Variants in SLC17A3 observed in about 807,000 individuals in gnomAD.
SLC17A3 encodes solute carrier family 17 member 3.
SLC17A3 carries 61 observed loss-of-function variants against 60.3 expected under a neutral mutation model. The ratio of observed to expected loss-of-function variants is 1.01; its 90% CI spans 0.82 to 1.25. SLC17A3 has a LOEUF of 1.25. SLC17A3 is among the 50% of genes most tolerant of loss of function. The pLI is 0.00. For synonymous variants in SLC17A3, 192 were observed against 208.9 expected (o/e 0.92, Z 0.70); for missense variants, 624 against 594.9 (o/e 1.05, Z -0.51).
At chr6:25,868,194 GAAT>G (rs1765569579) in intron 2 of SLC17A3, 100 bp downstream of exon 2, 1 of 853,504 alleles carries the variant, frequency 1.2e-6, no homozygotes, top group Non-Finnish European at 2.0e-6. Context: ...TTTGTAAAAA[GAAT>G]TAAAGAACTT....
rs148423165 is a variant in SLC17A3 at position 25,866,621 on chromosome 6, T to C, written c.91+1676A>G. 2.2e-3 allele frequency among the ~76,000 whole-genome samples: 330 copies of C among 152,092 alleles called. 1 individual carries two copies. The highest frequency in any genetic ancestry group is 9.1e-3 in the South Asian group (44 of 4,816). ...GTTGGCAAAAAATAATAAAGCCTAG[T>C]TGAATGACTATACAAGAATTTTGGG... On this transcript the variant is annotated intron_variant, in intron 2 of 12. Transcript: ENST00000397060.
In SLC17A3 at chr6:25,845,396, G is replaced by T; in HGVS notation, c.1483C>A (p.Leu495Ile). 3 of 1,613,976 alleles carry T rather than the reference G, an allele frequency of 1.9e-6. No homozygotes were observed. The highest frequency in any genetic ancestry group is 2.5e-6 in the Non-Finnish European group (3 of 1,179,908). Residue 495 changes from leucine to isoleucine, a missense_variant, in exon 12 of 13, where the codon CTC (leucine) becomes ATC (isoleucine). Physicochemically the swap from Leu to Ile is conservative, Grantham distance 5. Coordinates refer to ENST00000397060, the MANE Select transcript of SLC17A3 (RefSeq NM_001098486.2). Reference protein sequence around the residue: ...DVQEWAKERKLTRL With the variant: ...DVQEWAKERKITRL Reference sequence around the variant, plus strand: ...ATCCTTTACCTTCATAAACGAGTGAGTTTTCTCTCTTTAGCCCATTCTTGG... The same window carrying T: ...ATCCTTTACCTTCATAAACGAGTGATTTTTCTCTCTTTAGCCCATTCTTGG...
rs1320229961 is a variant in SLC17A3 at position 25,844,893 on chromosome 6, G to A, written c.*408C>T. The A allele has an allele frequency of 5.8e-6, 1 of 173,650 alleles. No homozygotes were observed. Among genetic ancestry groups the A allele is most frequent in the African/African-American group, 2.4e-5 (1 of 41,592 alleles). 10.8% of individuals were successfully genotyped at this position (173,650 alleles called of 1,614,324 possible). ...AGATAAATGGAGGACATATAGGGAA[G>A]AACACATGGACAATACTCAACCCAA... On this transcript the variant is annotated 3_prime_UTR_variant, in exon 13 of 13. Transcript: ENST00000397060.
intron 2 of SLC17A3, among the ~76,000 whole-genome samples, chr6:25,867,986 G>A (rs1185828689): frequency 2.6e-5 from 4 of 151,218 alleles, no homozygotes; most frequent in Admixed American, 2.0e-4. Flanking sequence ...TTTAAATTAA[G>A]CAATACAGTT....
intron 6 of SLC17A3, among the ~76,000 whole-genome samples, chr6:25,854,347 T>C (rs947235730): frequency 1.3e-5 from 2 of 152,230 alleles, no homozygotes; most frequent in African/African-American, 4.8e-5. Flanking sequence ...CATTTCAGAT[T>C]GTTATATCTT....
intron 5 of SLC17A3, 148 bp from the exon 6 acceptor site, chr6:25,855,378 TAAG>T: frequency 1.6e-6 from 1 of 641,364 alleles, no homozygotes; most frequent in South Asian, 1.8e-5. Context: ...ATTTATGATT[TAAG>T]AACATATAAT....
At chr6:25,845,983 C>G (rs1765167719) in intron 11 of SLC17A3, among the ~76,000 whole-genome samples, 1 of 152,132 alleles carries the variant, frequency 6.6e-6, no homozygotes, top group Non-Finnish European at 1.5e-5. Flanking sequence ...ATTTTCACAA[C>G]TGATGTGAGA....
In SLC17A3 at chr6:25,850,461, C is replaced by T; in HGVS notation, c.991G>A (p.Asp331Asn). The T allele has an allele frequency of 1.2e-6, 2 of 1,613,720 alleles. No homozygotes were observed. The highest frequency in any genetic ancestry group is 2.2e-5 in the East Asian group (1 of 44,862). ...GGAAGGGAAGGAAACATACTCACGTCTCTGATGTTAACATGGTACACAGAG... is the reference window on the plus strand; with the variant it reads ...GGAAGGGAAGGAAACATACTCACGTTTCTGATGTTAACATGGTACACAGAG... ...ISSVYHVNIR[D>N]NGLLSALPFI... The change falls in exon 8 of 13, where the codon GAC becomes AAC. Residue 331 changes from aspartate to asparagine, a missense_variant and splice_region_variant. Asp to Asn is a conservative substitution (Grantham distance 23). Coordinates refer to ENST00000397060, the MANE Select transcript of SLC17A3 (RefSeq NM_001098486.2).
intron 5 of SLC17A3, among the ~76,000 whole-genome samples, chr6:25,860,447 A>T (rs1765428543): frequency 6.6e-6 from 1 of 152,076 alleles, no homozygotes; most frequent in Non-Finnish European, 1.5e-5. Flanking sequence ...GATCATCAGA[A>T]ATGGCAATTT....
chr6:25,850,367 G>A (rs751268884), intron 8 of SLC17A3, 92 bp downstream of exon 8: 27 of 1,444,382 alleles, frequency 1.9e-5, no homozygotes, highest in Non-Finnish European at 2.6e-5. Flanking sequence ...TTGGTAATAA[G>A]AAATACATTT....
At chr6:25,860,893 A>T (rs1253247599) in intron 5 of SLC17A3, among the ~76,000 whole-genome samples, 1 of 152,164 alleles carries the variant, frequency 6.6e-6, no homozygotes, top group Non-Finnish European at 1.5e-5. Context: ...CCAGTTCTAA[A>T]TGGCAGAGAC....
Position 25,845,375 on chromosome 6 carries a change from T to G in SLC17A3, c.*2+5A>C. On this transcript the variant is annotated splice_donor_5th_base_variant and intron_variant, in intron 12 of 12. Coordinates refer to ENST00000397060, the MANE Select transcript of SLC17A3 (RefSeq NM_001098486.2). ...ATAACCATGCATAAAATCACTATCC[T>G]TTACCTTCATAAACGAGTGAGTTTT... 6.2e-7 allele frequency: 1 copy of G among 1,613,866 alleles called. No homozygotes were observed. Among genetic ancestry groups the G allele is most frequent in the Non-Finnish European group, 8.5e-7 (1 of 1,179,848 alleles).
rs1765646702 is a variant in SLC17A3 at position 25,871,827 on chromosome 6, G to T, written c.-34+2340C>A. ...TGGCTTTTTGTTTCTAAGGTTAAAT[G>T]AAGATCCTAAAAAGAGAAATGAAAC... On this transcript the variant is annotated intron_variant, in intron 1 of 12. Transcript: ENST00000397060. 2.6e-5 allele frequency among the ~76,000 whole-genome samples: 4 copies of T among 151,960 alleles called. No individual in the cohort carries two copies. In the South Asian group the frequency reaches 8.3e-4, roughly 32 times the overall value.
intron 8 of SLC17A3, 70 bp downstream of exon 8, chr6:25,850,389 T>A: frequency 6.7e-7 from 1 of 1,492,716 alleles, no homozygotes; most frequent in Middle Eastern, 1.7e-4. Context: ...TCAGATGGAA[T>A]GATTAGTGAG....
Position 25,862,428 on chromosome 6 carries a change from A to G in SLC17A3, c.108T>C (p.Ser36=). 3 of 1,613,432 alleles carry G rather than the reference A, an allele frequency of 1.9e-6. No individual in the cohort carries two copies. Among genetic ancestry groups the G allele is most frequent in the Non-Finnish European group, 2.5e-6 (3 of 1,179,406 alleles). ...LIPRKVPSLC[S]ARYGIALVLH... ...AGACGAGGGCTATTCCATAGCGAGC[A>G]GAACATAAACTTGGAACTGGAAATA... The change falls in exon 3 of 13, where the codon TCT becomes TCC. Residue 36 remains serine, a synonymous_variant. Transcript: ENST00000397060.
intron 6 of SLC17A3, among the ~76,000 whole-genome samples, chr6:25,851,815 C>T (rs1282160386): frequency 6.6e-6 from 1 of 152,094 alleles, no homozygotes; most frequent in Non-Finnish European, 1.5e-5. Context: ...TATGTCTTGA[C>T]ATCAGGTAGT....
intron 2 of SLC17A3, among the ~76,000 whole-genome samples, chr6:25,867,426 A>T (rs2151527294): frequency 1.3e-5 from 2 of 152,118 alleles, no homozygotes; most frequent in South Asian, 4.1e-4. Flanking sequence ...TAGTGAACAA[A>T]GGAAATGAAA....
At chr6:25,855,090 T>G in intron 6 of SLC17A3, 54 bp downstream of exon 6, 2 of 1,123,478 alleles carry the variant, frequency 1.8e-6, no homozygotes, top group Non-Finnish European at 2.7e-6. Flanking sequence ...ATATACTTAC[T>G]GAGGAGAATC....
intron 5 of SLC17A3, among the ~76,000 whole-genome samples, chr6:25,856,653 T>C (rs1186313): frequency 0.24 from 36,078 of 151,542 alleles, 4,513 homozygotes; most frequent in African/African-American, 0.31. Flanking sequence ...CGAGACCAGC[T>C]TGGCCAACAT....
Sources: gnomAD v4.1 joint callset for allele counts (sites outside exome capture counted in the v4.1 genomes callset) on GRCh38, gnomAD v4.1.1 for gene constraint, MANE v1.5 for transcripts, NCBI Gene and HGNC (gene_info 2026-07-23, HGNC 2026-07-21) for gene names.